SPTBN1: variants seen among roughly 807,000 people sequenced by gnomAD.
SPTBN1 encodes the protein spectrin beta chain, non-erythrocytic 1.
A neutral mutation model predicts 266.4 loss-of-function variants in SPTBN1; 32 were observed. That is an observed-to-expected ratio of 0.12 (90% CI 0.09 to 0.16). SPTBN1 has a LOEUF of 0.16. SPTBN1 is among the 10% of genes least tolerant of loss of function. SPTBN1 has a pLI of 1.00. For synonymous variants in SPTBN1, 1,336 were observed against 1,162.2 expected, an observed-to-expected ratio of 1.15 and a Z score of -3.04; for missense variants, 2,296 against 3,067.1, an observed-to-expected ratio of 0.75 and a Z score of 5.94.
intron 1 of SPTBN1, among the ~76,000 whole-genome samples, chr2:54,523,015 T>A (rs552590782): frequency 6.6e-6 from 1 of 152,286 alleles, no homozygotes; most frequent in African/African-American, 2.4e-5. Flanking sequence ...CACTTTCACA[T>A]TTTCTCCCTA....
At chr2:54,597,659 C>T (rs914608357) in intron 2 of SPTBN1, among the ~76,000 whole-genome samples, 2 of 152,104 alleles carry the variant, frequency 1.3e-5, no homozygotes, top group African/African-American at 4.8e-5. Context: ...TGCCTCATTC[C>T]CTCCCTGTGG....
At chr2:54,458,021 G>C (rs1249014234) in intron 1 of SPTBN1, among the ~76,000 whole-genome samples, 3 of 152,262 alleles carry the variant, frequency 2.0e-5, no homozygotes, top group Non-Finnish European at 4.4e-5. Context: ...CAATGTTGCA[G>C]TGTGGGGAGT....
chr2:54,584,395 T>C (rs1453605796), intron 2 of SPTBN1, among the ~76,000 whole-genome samples: 1 of 152,240 alleles, frequency 6.6e-6, no homozygotes, highest in Non-Finnish European at 1.5e-5. Context: ...CAAATATTTC[T>C]AGAAAACAAA....
intron 1 of SPTBN1, among the ~76,000 whole-genome samples, chr2:54,473,728 T>G (rs900444502): frequency 6.6e-6 from 1 of 152,226 alleles, no homozygotes; most frequent in African/African-American, 2.4e-5. Context: ...AATTCAGTCA[T>G]TCATTATACG....
intron 3 of SPTBN1, 70 bp from the exon 4 acceptor site, chr2:54,612,091 A>G: frequency 1.4e-6 from 2 of 1,430,980 alleles, no homozygotes; most frequent in South Asian, 2.8e-5. Context: ...ACATGTGACT[A>G]GGCAGTAACT....
intron 4 of SPTBN1, among the ~76,000 whole-genome samples, chr2:54,615,225 C>T (rs550579388): frequency 6.6e-6 from 1 of 151,870 alleles, no homozygotes; most frequent in African/African-American, 2.4e-5. Context: ...TATATTTTGT[C>T]TTCATTTTCT....
intron 2 of SPTBN1, among the ~76,000 whole-genome samples, chr2:54,593,034 ATTCCATC>A (rs2103625280): frequency 6.6e-6 from 1 of 152,338 alleles, no homozygotes; most frequent in East Asian, 1.9e-4. Context: ...ATCTTATAAA[ATTCCATC>A]TGGAGGAAGG....
chr2:54,640,539 T>C (rs72920576), intron 18 of SPTBN1, among the ~76,000 whole-genome samples: 1,551 of 152,256 alleles, frequency 0.01, 34 homozygotes, highest in African/African-American at 0.034. Context: ...TCATCATCTT[T>C]GTAGTGGTTT....
At chr2:54,661,444 TTTTC>T (rs2104224921) in intron 32 of SPTBN1, 1 of 985,904 alleles carries the variant, frequency 1.0e-6, no homozygotes, top group South Asian at 4.7e-5. Context: ...CATGTCTTTT[TTTTC>T]TTTTGTCAGG....
At chr2:54,508,669 G>A (rs892156674) in intron 1 of SPTBN1, among the ~76,000 whole-genome samples, 1 of 152,214 alleles carries the variant, frequency 6.6e-6, no homozygotes, top group Non-Finnish European at 1.5e-5. Flanking sequence ...ATGGGTGGAA[G>A]TTTCAGCGAG....
At chr2:54,615,003 C>G (rs1255578231) in intron 4 of SPTBN1, among the ~76,000 whole-genome samples, 1 of 152,110 alleles carries the variant, frequency 6.6e-6, no homozygotes, top group African/African-American at 2.4e-5. Context: ...CCTGGTGAGC[C>G]TGTCTCTCAC....
chr2:54,581,369 G>A (rs781022257), intron 2 of SPTBN1, among the ~76,000 whole-genome samples: 5 of 152,058 alleles, frequency 3.3e-5, no homozygotes, highest in Non-Finnish European at 5.9e-5. Context: ...CCATAGGGTC[G>A]TCCGTGAGAC....
chr2:54,651,383 T>C (rs1337544967), intron 26 of SPTBN1, among the ~76,000 whole-genome samples: 1 of 149,202 alleles, frequency 6.7e-6, no homozygotes, highest in African/African-American at 2.5e-5. Flanking sequence ...TATGATGTTA[T>C]AGCAGTGAAA....
chr2:54,565,688 A>T (rs1176273166), intron 2 of SPTBN1, among the ~76,000 whole-genome samples: 1 of 152,214 alleles, frequency 6.6e-6, no homozygotes, highest in Non-Finnish European at 1.5e-5. Context: ...GAGACAGATC[A>T]ATATCTAGGC....
At chr2:54,624,996 C>T in intron 11 of SPTBN1, 34 bp downstream of exon 11, 1 of 1,536,876 alleles carries the variant, frequency 6.5e-7, no homozygotes, top group Non-Finnish European at 8.7e-7. Flanking sequence ...AAGACTGTTG[C>T]TAGGGTAATC....
Position 54,645,553 on chromosome 2 carries a change from G to C in SPTBN1, c.4494+100G>C. 7.6e-7 allele frequency: 1 copy of C among 1,319,002 alleles called. No homozygotes were observed. The allele number at this position is 1,319,002 out of a possible 1,614,324, so 81.7% of individuals were successfully genotyped here. A position where few individuals can be genotyped will look rare whatever the true frequency, so the allele number is the denominator to read the frequency against. ...CTCAGTCATCCTCACCTTGGGCCAC[G>C]TTGGCAAGCTGAGCTGCCAAAGTCC... On this transcript the variant is annotated intron_variant, in intron 21 of 35. Coordinates refer to ENST00000356805, the MANE Select transcript of SPTBN1 (RefSeq NM_003128.3). This position sits in a 1 kb window ranked among gnomAD's most constrained non-coding sequence, Gnocchi z 4.3.
rs565045086 is a variant in SPTBN1 at position 54,547,059 on chromosome 2, GATCTCT to G, written c.148+20495_148+20500del. Reference sequence around the variant, plus strand: ...CTATGTTCATATTGTTGTGCAGTCAGATCTCTAGACCCTTTTCATTTTGAAAAACTG... The same window carrying G: ...CTATGTTCATATTGTTGTGCAGTCAGAGACCCTTTTCATTTTGAAAAACTG... On this transcript the variant is annotated intron_variant, in intron 2 of 35. Coordinates refer to ENST00000356805, the MANE Select transcript of SPTBN1 (RefSeq NM_003128.3). Among the ~76,000 whole-genome samples, 7 of 151,398 alleles carry G rather than the reference GATCTCT, an allele frequency of 4.6e-5. No homozygotes were observed. In the South Asian group the frequency reaches 1.3e-3, roughly 27 times the overall value.
chr2:54,503,353 C>A (rs542986318), intron 1 of SPTBN1, among the ~76,000 whole-genome samples: 6 of 152,188 alleles, frequency 3.9e-5, no homozygotes, highest in Non-Finnish European at 8.8e-5. Flanking sequence ...CATTGCTCAT[C>A]TGGTTAGTGG....
rs1680434656 is a variant in SPTBN1, at chr2:54,653,418, G to C, written c.5578-191G>C. 3.9e-6 allele frequency: 3 copies of C among 764,364 alleles called. No individual in the cohort carries two copies. In the Admixed American group the frequency reaches 9.7e-5, roughly 25 times the overall value. The allele number at this position is 764,364 out of a possible 1,614,324, so 47.3% of individuals were successfully genotyped here. On this transcript the variant is annotated intron_variant, in intron 26 of 35. Coordinates refer to ENST00000356805, the MANE Select transcript of SPTBN1 (RefSeq NM_003128.3). This position sits in a 1 kb window ranked among gnomAD's most constrained non-coding sequence, Gnocchi z 5.1. The stretch of plus-strand genomic sequence containing the variant: ...TCATAAAGAACTTAATAATGTAGTT[G>C]AACAGATTTATAGAAAACGGGTTTT...
Sources: gnomAD v4.1 joint callset for allele counts (sites outside exome capture counted in the v4.1 genomes callset) on GRCh38, gnomAD v4.1.1 for gene constraint, Gnocchi (gnomAD v3.1) non-coding constraint, MANE v1.5 for transcripts, NCBI Gene and HGNC (gene_info 2026-07-23, HGNC 2026-07-21) for gene names.